The following EPSTI1 variants were observed in gnomAD, a reference collection of about 807,000 sequenced individuals.
EPSTI1 encodes the protein epithelial-stromal interaction protein 1.
A neutral mutation model predicts 49.9 loss-of-function variants in EPSTI1; 66 were observed. The observed-to-expected ratio is 1.32, with a 90% CI of 1.08 to 1.62. The LOEUF is 1.62. Ranked by LOEUF, EPSTI1 falls within the 40% of genes most tolerant of loss-of-function variation. The pLI, the probability that EPSTI1 is intolerant of heterozygous loss-of-function variation, is 0.00. For synonymous variants in EPSTI1, 137 were observed against 130.7 expected (o/e 1.05, Z -0.33); for missense variants, 394 against 365.5 (o/e 1.08, Z -0.64).
intron 9 of EPSTI1, among the ~76,000 whole-genome samples, chr13:42,898,922 G>C (rs1194130288): frequency 6.6e-6 from 1 of 152,132 alleles, no homozygotes; most frequent in African/African-American, 2.4e-5. Flanking sequence ...AATAGGGCAG[G>C]TGCGGTGGCT....
rs6561088 is a variant in EPSTI1, at chr13:42,886,528, A to G, written c.*1966T>C. The G allele has an allele frequency of 0.95, 145,198 of 152,052 alleles. 69,709 individuals are homozygous for G. The highest frequency in any genetic ancestry group is 1 in the East Asian group (5,185 of 5,186). The allele number at this position is 152,052 out of a possible 1,614,324, so 9.4% of individuals were successfully genotyped here. A position where few individuals can be genotyped will look rare whatever the true frequency, so the allele number is the denominator to read the frequency against. ...TCTACAAAAAAAAAAGCGGGGGGAC[A>G]TTAAAATTAAGCATAGAAATGGTGG... On this transcript the variant is annotated 3_prime_UTR_variant, in exon 11 of 11. Coordinates refer to ENST00000313624, the MANE Select transcript of EPSTI1 (RefSeq NM_033255.5).
chr13:42,904,018 T>C (rs1246642062), intron 8 of EPSTI1, among the ~76,000 whole-genome samples: 1 of 152,266 alleles, frequency 6.6e-6, no homozygotes, highest in African/African-American at 2.4e-5. Flanking sequence ...GTGTCTATTA[T>C]GAGCCAGGCT....
intron 7 of EPSTI1, among the ~76,000 whole-genome samples, chr13:42,923,521 G>A (rs6561093): frequency 0.98 from 148,981 of 152,222 alleles, 72,970 homozygotes; most frequent in East Asian, 1. Flanking sequence ...AGATCATGCT[G>A]CTGCACTCCA....
At chr13:42,991,846 T>C (rs2040199811) in intron 1 of EPSTI1, 132 bp downstream of exon 1, 2 of 1,008,520 alleles carry the variant, frequency 2.0e-6, no homozygotes, top group Admixed American at 4.6e-5. Flanking sequence ...TTTAAGCAAA[T>C]GAGCTTTCAT....
chr13:42,889,277 A>AGAATAATTGTATATGTTG (rs762515761), intron 10 of EPSTI1: 1 of 1,273,798 alleles, frequency 7.9e-7, no homozygotes, highest in Non-Finnish European at 1.1e-6. Context: ...TTTACATATA[A>AGAATAATTGTATATGTTG]AAGCAATTAT....
intron 3 of EPSTI1, among the ~76,000 whole-genome samples, chr13:42,968,335 G>A (rs2039673759): frequency 6.6e-6 from 1 of 152,106 alleles, no homozygotes; most frequent in African/African-American, 2.4e-5. Context: ...TGGGGGGGCA[G>A]GGTGTGGGGA....
rs200540068 is a variant in EPSTI1 at position 42,913,377 on chromosome 13, C to CA, written c.741+4163dup. On this transcript the variant is annotated intron_variant, in intron 8 of 10. Coordinates refer to ENST00000313624, the MANE Select transcript of EPSTI1 (RefSeq NM_033255.5). ...AAAGAAATGTCATGTAAATACTAAC[C>CA]AAAAAAAACTGGTAGAGGAATTACT... 2.2e-3 allele frequency among the ~76,000 whole-genome samples: 338 copies of CA among 151,344 alleles called. 2 individuals carry two copies. The highest frequency in any genetic ancestry group is 0.01 in the Middle Eastern group (3 of 292).
intron 10 of EPSTI1, chr13:42,889,325 C>A: frequency 1.2e-6 from 1 of 865,424 alleles, no homozygotes; most frequent in Non-Finnish European, 1.7e-6. Flanking sequence ...TATGAGAAGA[C>A]TGATTTAAAT....
At chr13:42,936,475 A>AGT (rs2038568258) in intron 6 of EPSTI1, among the ~76,000 whole-genome samples, 2 of 152,202 alleles carry the variant, frequency 1.3e-5, no homozygotes, top group Non-Finnish European at 2.9e-5. Context: ...TTTCAACACT[A>AGT]GTAAGGAATT....
chr13:42,939,326 A>C (rs1352208520), intron 6 of EPSTI1, among the ~76,000 whole-genome samples: 1 of 152,204 alleles, frequency 6.6e-6, no homozygotes, highest in African/African-American at 2.4e-5. Context: ...TTTGCTTCAC[A>C]ACTTGGCTAA....
chr13:42,919,018 T>C (rs1283275739), intron 7 of EPSTI1, among the ~76,000 whole-genome samples: 1 of 152,072 alleles, frequency 6.6e-6, no homozygotes, highest in East Asian at 1.9e-4. Context: ...GAAGACAGCT[T>C]CTACTCAAGA....
At chr13:42,961,392 G>C (rs185124433) in intron 5 of EPSTI1, among the ~76,000 whole-genome samples, 2 of 152,164 alleles carry the variant, frequency 1.3e-5, no homozygotes, top group African/African-American at 4.8e-5. Flanking sequence ...GTACAAGGCA[G>C]TACAAGGAAG....
intron 5 of EPSTI1, among the ~76,000 whole-genome samples, chr13:42,959,106 G>A (rs187431891): frequency 6.6e-6 from 1 of 152,106 alleles, no homozygotes; most frequent in East Asian, 1.9e-4. Context: ...ATTGTACTAA[G>A]GGCTGTGTAT....
intron 6 of EPSTI1, among the ~76,000 whole-genome samples, chr13:42,932,688 C>A (rs963193665): frequency 1.3e-5 from 2 of 151,446 alleles, no homozygotes; most frequent in African/African-American, 4.9e-5. Flanking sequence ...CAAAAGTTTG[C>A]AGATAACAGG....
intron 7 of EPSTI1, among the ~76,000 whole-genome samples, chr13:42,924,010 C>G (rs2038096675): frequency 6.6e-6 from 1 of 152,216 alleles, no homozygotes; most frequent in African/African-American, 2.4e-5. Flanking sequence ...TGTTCACATT[C>G]TATAAGTTGA....
intron 5 of EPSTI1, among the ~76,000 whole-genome samples, chr13:42,962,598 T>G (rs1372634509): frequency 2.2e-5 from 3 of 137,348 alleles, no homozygotes; most frequent in Non-Finnish European, 3.1e-5. Flanking sequence ...GGTGAAACCC[T>G]CCCTGTCTCT....
chr13:42,948,427 T>TG (rs1555265120), intron 6 of EPSTI1, among the ~76,000 whole-genome samples: 1 of 142,516 alleles, frequency 7.0e-6, no homozygotes, highest in Non-Finnish European at 1.6e-5. Context: ...GGCTTGTTGT[T>TG]TTTTTTTTTT....
intron 8 of EPSTI1, among the ~76,000 whole-genome samples, chr13:42,904,820 T>C (rs9533299): frequency 0.17 from 26,147 of 152,118 alleles, 2,303 homozygotes; most frequent in African/African-American, 0.2. Flanking sequence ...AATATATACA[T>C]ACATTCATTT....
At chr13:42,919,338 C>CA in intron 7 of EPSTI1, 2 of 1,613,032 alleles carry the variant, frequency 1.2e-6, no homozygotes, top group Non-Finnish European at 1.7e-6. Flanking sequence ...AGTTTCTGTT[C>CA]AAAAATAATA....
Sources: gnomAD v4.1 joint callset for allele counts (sites outside exome capture counted in the v4.1 genomes callset) on GRCh38, gnomAD v4.1.1 for gene constraint, MANE v1.5 for transcripts, NCBI Gene and HGNC (gene_info 2026-07-23, HGNC 2026-07-21) for gene names.